Variants in GNA13 observed in about 807,000 individuals in gnomAD.
GNA13 encodes guanine nucleotide-binding protein subunit alpha-13.
Under a neutral mutation model 33.5 loss-of-function variants are expected in GNA13, and 4 were observed. That is an observed-to-expected ratio of 0.12 (90% CI 0.06 to 0.27). GNA13 has a LOEUF of 0.27. Ranked by LOEUF, GNA13 falls within the 10% of genes least tolerant of loss-of-function variation. The probability of loss-of-function intolerance (pLI) is 1.00; values close to 1 mark genes in which losing one functional copy is unlikely to be tolerated. For missense variants in GNA13, 319 were observed against 487.2 expected (o/e 0.65, Z 3.25); for synonymous variants, 176 against 183.8 (o/e 0.96, Z 0.34).
rs80034472 is a variant in GNA13 at position 65,055,646 on chromosome 17, G to C, written c.283+665C>G. The C allele has an allele frequency of 7.0e-3, 6,879 of 985,292 alleles. 22 individuals are homozygous for C. Among genetic ancestry groups the C allele is most frequent in the South Asian group, 0.015 (321 of 21,274 alleles). The allele number at this position is 985,292 out of a possible 1,614,324, so 61.0% of individuals were successfully genotyped here. Reference sequence around the variant, plus strand: ...CAGATGCTACATTTTCATGCTAACTGTATGGGTCCACTCTCTCCTGATTCC... The same window carrying C: ...CAGATGCTACATTTTCATGCTAACTCTATGGGTCCACTCTCTCCTGATTCC... On this transcript the variant is annotated intron_variant, in intron 1 of 3. Transcript: ENST00000439174.
chr17:65,021,746 G>C (rs1906589585), intron 2 of GNA13, among the ~76,000 whole-genome samples: 1 of 152,190 alleles, frequency 6.6e-6, no homozygotes, highest in South Asian at 2.1e-4. Flanking sequence ...ATAGAAAATA[G>C]GTAAAGAGTA....
chr17:65,056,233 GGC>G, intron 1 of GNA13, 76 bp downstream of exon 1: 1 of 964,940 alleles, frequency 1.0e-6, no homozygotes, highest in Non-Finnish European at 1.5e-6. Context: ...AGCGGACCAG[GGC>G]GGTGCCCCGC....
chr17:65,016,379 T>G (rs1906368591), intron 3 of GNA13, among the ~76,000 whole-genome samples: 1 of 152,174 alleles, frequency 6.6e-6, no homozygotes, highest in Non-Finnish European at 1.5e-5. Flanking sequence ...CATATTTTTT[T>G]GAGATGGAGT....
rs111302665 is a variant in GNA13 at position 65,028,088 on chromosome 17, C to T, written c.511-9785G>A. Among the ~76,000 whole-genome samples the T allele has an allele frequency of 3.0e-3, 463 of 152,154 alleles. 2 individuals are homozygous for T. Among genetic ancestry groups the T allele is most frequent in the African/African-American group, 6.4e-3 (265 of 41,512 alleles). On this transcript the variant is annotated intron_variant, in intron 2 of 3. Coordinates refer to ENST00000439174, the MANE Select transcript of GNA13 (RefSeq NM_006572.6). ...AAAAATACAAAAAATCAGCCGGGCG[C>T]GGTGGCGGGTGCCTGTAGTCCCAGC...
intron 2 of GNA13, among the ~76,000 whole-genome samples, chr17:65,041,485 A>C (rs1360095670): frequency 6.6e-6 from 1 of 152,114 alleles, no homozygotes; most frequent in Non-Finnish European, 1.5e-5. Context: ...AAGATCTCAC[A>C]AAAAACATGG....
rs533200353 is a variant in GNA13 at position 65,027,058 on chromosome 17, G to T, written c.511-8755C>A. On this transcript the variant is annotated intron_variant, in intron 2 of 3. Coordinates refer to ENST00000439174, the MANE Select transcript of GNA13 (RefSeq NM_006572.6). ...CTCCCAAAATGCTGGGATTACAGGC[G>T]TGAGCCACCGCGCCCGGCCTCTTTT... Among the ~76,000 whole-genome samples, 26 of 152,278 alleles carry T rather than the reference G, an allele frequency of 1.7e-4. No homozygotes were observed. In the South Asian group the frequency reaches 4.6e-3, roughly 27 times the overall value.
chr17:65,022,830 T>A (rs910858186), intron 2 of GNA13, among the ~76,000 whole-genome samples: 1 of 152,256 alleles, frequency 6.6e-6, no homozygotes, highest in Non-Finnish European at 1.5e-5. Flanking sequence ...TGAAGAAATA[T>A]GGCCAGAGAA....
At chr17:65,054,793 C>T (rs1218310424) in intron 1 of GNA13, among the ~76,000 whole-genome samples, 1 of 152,190 alleles carries the variant, frequency 6.6e-6, no homozygotes. Context: ...TAACATAATT[C>T]CTTAAGTTCA....
intron 2 of GNA13, among the ~76,000 whole-genome samples, chr17:65,040,162 A>G (rs186200728): frequency 6.6e-6 from 1 of 152,344 alleles, no homozygotes; most frequent in East Asian, 1.9e-4. Context: ...TGGTTCTCTT[A>G]CTAAACTATT....
At chr17:65,047,345 C>T (rs1011472900) in intron 2 of GNA13, among the ~76,000 whole-genome samples, 1 of 152,100 alleles carries the variant, frequency 6.6e-6, no homozygotes, top group Non-Finnish European at 1.5e-5. Context: ...ACTATGATCA[C>T]ACCACTGCAC....
At position 65,014,918 on chromosome 17, in the gene GNA13, T is replaced by G; in HGVS notation, c.562-89A>C. On this transcript the variant is annotated intron_variant, in intron 3 of 3. Transcript: ENST00000439174. The surrounding 1 kb of genome is among the most constrained non-coding windows in gnomAD (Gnocchi z 5.3). The stretch of plus-strand genomic sequence containing the variant: ...TACTAACTGGACTAGTGAATAGATA[T>G]GCAAACAAAATGATCTTTTAAGTGA... 1.4e-6 allele frequency: 1 copy of G among 712,608 alleles called. No homozygotes were observed. Among genetic ancestry groups the G allele is most frequent in the Non-Finnish European group, 2.4e-6 (1 of 419,634 alleles). The allele number at this position is 712,608 out of a possible 1,614,324, so 44.1% of individuals were successfully genotyped here.
At chr17:65,020,114 C>T (rs1054269946) in intron 2 of GNA13, among the ~76,000 whole-genome samples, 3 of 152,178 alleles carry the variant, frequency 2.0e-5, no homozygotes, top group African/African-American at 7.2e-5. Flanking sequence ...AAGCTCAGTA[C>T]GAGGCAACTG....
At chr17:65,043,461 G>A (rs544040076) in intron 2 of GNA13, among the ~76,000 whole-genome samples, 16 of 151,896 alleles carry the variant, frequency 1.1e-4, no homozygotes, top group South Asian at 4.2e-4. Context: ...TAATTTTTGC[G>A]TATTCTGTAG....
intron 1 of GNA13, among the ~76,000 whole-genome samples, chr17:65,055,240 A>G (rs989802689): frequency 1.3e-5 from 2 of 152,242 alleles, no homozygotes; most frequent in African/African-American, 4.8e-5. Flanking sequence ...TGCCTTTTCT[A>G]TAGAACATAC....
At chr17:65,039,132 T>C (rs755339935) in intron 2 of GNA13, among the ~76,000 whole-genome samples, 13 of 152,178 alleles carry the variant, frequency 8.5e-5, no homozygotes, top group Admixed American at 2.0e-4. Flanking sequence ...AGCCAGAAAC[T>C]TGAGTCACTC....
At chr17:65,051,678 T>C (rs1907863619) in intron 2 of GNA13, among the ~76,000 whole-genome samples, 1 of 152,178 alleles carries the variant, frequency 6.6e-6, no homozygotes, top group Non-Finnish European at 1.5e-5. Context: ...GAAGAACTCA[T>C]GCAAGCAAAT....
intron 2 of GNA13, among the ~76,000 whole-genome samples, chr17:65,047,173 C>T (rs1907695553): frequency 6.6e-6 from 1 of 152,078 alleles, no homozygotes; most frequent in Non-Finnish European, 1.5e-5. Flanking sequence ...TAAAATGTAA[C>T]CACTCTGACA....
intron 2 of GNA13, among the ~76,000 whole-genome samples, chr17:65,026,502 G>T (rs1906789453): frequency 6.6e-6 from 1 of 152,174 alleles, no homozygotes; most frequent in African/African-American, 2.4e-5. Context: ...TATATAGGCT[G>T]TAAAATAAAG....
At chr17:65,048,106 A>G (rs1441657639) in intron 2 of GNA13, among the ~76,000 whole-genome samples, 2 of 152,246 alleles carry the variant, frequency 1.3e-5, no homozygotes, top group African/African-American at 4.8e-5. Flanking sequence ...AGTTGTATTA[A>G]TGCTGACAAT....
Sources: allele counts gnomAD v4.1 joint callset (sites outside exome capture counted in the v4.1 genomes callset), GRCh38; gene constraint gnomAD v4.1.1; non-coding constraint Gnocchi (gnomAD v3.1); transcripts MANE v1.5; gene names NCBI Gene and HGNC (gene_info 2026-07-23, HGNC 2026-07-21).